Variants in MARCHF6 observed in about 807,000 individuals in gnomAD.
MARCHF6 encodes the protein E3 ubiquitin-protein ligase MARCHF6.
In MARCHF6, 31 loss-of-function variants were observed where a neutral mutation model predicts 133.7. The observed-to-expected ratio is 0.23, with a 90% CI of 0.17 to 0.31. The LOEUF (loss-of-function observed/expected upper bound fraction) is 0.31. MARCHF6 is among the 10% of genes least tolerant of loss of function. MARCHF6 has a pLI of 1.00. For missense variants in MARCHF6, 723 were observed against 1,121.6 expected, an observed-to-expected ratio of 0.64 and a Z score of 5.08; for synonymous variants, 395 against 402.5, an observed-to-expected ratio of 0.98 and a Z score of 0.22.
chr5:10,354,444 T>C (rs1002702348), intron 1 of MARCHF6, among the ~76,000 whole-genome samples: 5 of 152,182 alleles, frequency 3.3e-5, no homozygotes, highest in African/African-American at 1.2e-4. Flanking sequence ...GTCCTCGGCT[T>C]GCCTGCCGCT....
chr5:10,411,978 G>A (rs1739257169), intron 19 of MARCHF6, among the ~76,000 whole-genome samples: 1 of 152,162 alleles, frequency 6.6e-6, no homozygotes, highest in African/African-American at 2.4e-5. Flanking sequence ...CAATCTTTGT[G>A]CACCTCAGAA....
rs1205098891 is a variant in MARCHF6 at position 10,353,928 on chromosome 5, G to A, written c.19+11G>A. 1.3e-6 allele frequency: 2 copies of A among 1,551,974 alleles called. No individual in the cohort carries two copies. The highest frequency in any genetic ancestry group is 1.7e-6 in the Non-Finnish European group (2 of 1,153,894). ...ACACCGCGGAGGAAGGTAAGTCGGC[G>A]ACGCGCGGCGCCCGAGCCCTTGCGT... On this transcript the variant is annotated intron_variant, in intron 1 of 25. Coordinates refer to ENST00000274140, the MANE Select transcript of MARCHF6 (RefSeq NM_005885.4).
At chr5:10,359,648 A>C (rs1375164537) in intron 1 of MARCHF6, among the ~76,000 whole-genome samples, 5 of 152,184 alleles carry the variant, frequency 3.3e-5, no homozygotes, top group Admixed American at 3.3e-4. Flanking sequence ...ATGTAGTTCA[A>C]ACTGTGATGT....
chr5:10,355,824 CAG>C (rs1735424088), intron 1 of MARCHF6, among the ~76,000 whole-genome samples: 3 of 152,330 alleles, frequency 2.0e-5, no homozygotes, highest in Admixed American at 2.0e-4. Context: ...TCATGTCTGT[CAG>C]AGTCGCACTT....
At chr5:10,422,496 G>A (rs971399300) in intron 22 of MARCHF6, among the ~76,000 whole-genome samples, 1 of 152,096 alleles carries the variant, frequency 6.6e-6, no homozygotes, top group Admixed American at 6.5e-5. Flanking sequence ...ATTGTCATTG[G>A]ACTTTTTTTC....
At chr5:10,358,479 C>A (rs1735615310) in intron 1 of MARCHF6, among the ~76,000 whole-genome samples, 1 of 152,132 alleles carries the variant, frequency 6.6e-6, no homozygotes, top group South Asian at 2.1e-4. Context: ...TAGATGATTA[C>A]CTCTGTACTG....
At chr5:10,390,853 T>A (rs1176878445) in intron 6 of MARCHF6, among the ~76,000 whole-genome samples, 1 of 152,222 alleles carries the variant, frequency 6.6e-6, no homozygotes, top group African/African-American at 2.4e-5. Flanking sequence ...AAAAATGTAT[T>A]TTCATCCCTG....
At chr5:10,386,081 A>G (rs1477562988) in intron 4 of MARCHF6, among the ~76,000 whole-genome samples, 1 of 151,880 alleles carries the variant, frequency 6.6e-6, no homozygotes, top group Non-Finnish European at 1.5e-5. Context: ...CCTGTTGCAC[A>G]TGAATCCATT....
chr5:10,415,586 A>G lies in MARCHF6; in HGVS notation c.2065A>G (p.Ile689Val), dbSNP rs1431071773. 4.3e-6 allele frequency: 7 copies of G among 1,614,200 alleles called. No homozygotes were observed. Among genetic ancestry groups the G allele is most frequent in the Non-Finnish European group, 5.9e-6 (7 of 1,180,032 alleles). ...TGGTCTCTATGTTTGCTGGCTAACC[A>G]TAAGGGCTGTGACGGTGATGGTGGC... The part of the protein sequence containing the change: ...ACGLYVCWLT[I>V]RAVTVMVAWM... The change falls in exon 21 of 26, where the codon ATA (isoleucine) becomes GTA (valine). Residue 689 changes from isoleucine (I) to valine (V), a missense_variant. Physicochemically the swap from Ile to Val is conservative, Grantham distance 29 (BLOSUM62 3). Coordinates refer to ENST00000274140, the MANE Select transcript of MARCHF6 (RefSeq NM_005885.4).
At chr5:10,401,985 T>C in intron 11 of MARCHF6, 74 bp from the exon 12 acceptor site, 1 of 841,134 alleles carries the variant, frequency 1.2e-6, no homozygotes, top group Non-Finnish European at 2.0e-6. Context: ...TCATTTAGAT[T>C]GTTTAATATG....
chr5:10,372,675 A>G (rs1481905500), intron 1 of MARCHF6, among the ~76,000 whole-genome samples: 3 of 152,232 alleles, frequency 2.0e-5, no homozygotes, highest in African/African-American at 7.2e-5. Flanking sequence ...GCTTTAAAAT[A>G]ACAACACTCA....
chr5:10,380,733 C>G (rs899710336), intron 3 of MARCHF6, among the ~76,000 whole-genome samples: 2 of 152,068 alleles, frequency 1.3e-5, no homozygotes, highest in African/African-American at 2.4e-5. Context: ...TGAGGCTAGC[C>G]TGGCCAACAT....
chr5:10,355,200 T>C (rs1735373902), intron 1 of MARCHF6, among the ~76,000 whole-genome samples: 1 of 152,256 alleles, frequency 6.6e-6, no homozygotes, highest in Non-Finnish European at 1.5e-5. Context: ...TTATATACAC[T>C]GAGTGTAGCT....
rs769845369 is a variant in MARCHF6 at position 10,437,779 on chromosome 5, C to T, written c.*4095C>T. 7 of 152,126 alleles carry T rather than the reference C, an allele frequency of 4.6e-5. No individual in the cohort carries two copies. The highest frequency in any genetic ancestry group is 8.8e-5 in the Non-Finnish European group (6 of 68,028). The allele number at this position is 152,126 out of a possible 1,614,324, so 9.4% of individuals were successfully genotyped here. On this transcript the variant is annotated 3_prime_UTR_variant, in exon 26 of 26. Coordinates refer to ENST00000274140, the MANE Select transcript of MARCHF6 (RefSeq NM_005885.4). The stretch of plus-strand genomic sequence containing the variant: ...ATGTATATATATTCTGAAATGCTCC[C>T]TTTTTAATGTGGTCATTTGTTGCCT...
rs1272896146 is a variant in MARCHF6 at position 10,440,149 on chromosome 5, A to G, written c.*6465A>G. The G allele has an allele frequency of 6.6e-6, 1 of 152,228 alleles. No individual in the cohort carries two copies. Among genetic ancestry groups the G allele is most frequent in the Non-Finnish European group, 1.5e-5 (1 of 68,040 alleles). 9.4% of individuals were successfully genotyped at this position (152,228 alleles called of 1,614,324 possible). ...TAAGCTCCAAAGATTTTATTTTTTT[A>G]AACTGAATTATTACTGTATTCCCAG... On this transcript the variant is annotated 3_prime_UTR_variant, in exon 26 of 26. Coordinates refer to ENST00000274140, the MANE Select transcript of MARCHF6 (RefSeq NM_005885.4).
chr5:10,397,422 A>G, intron 10 of MARCHF6, 78 bp downstream of exon 10: 2 of 1,083,090 alleles, frequency 1.8e-6, no homozygotes, highest in South Asian at 1.5e-5. Flanking sequence ...TTATAGGTTT[A>G]TTATTATTTT....
intron 16 of MARCHF6, 120 bp downstream of exon 16, chr5:10,405,797 A>G (rs1738849475): frequency 1.2e-6 from 1 of 811,552 alleles, no homozygotes; most frequent in East Asian, 3.1e-5. Flanking sequence ...TAATATATTT[A>G]TCTAAGCCTG....
intron 7 of MARCHF6, among the ~76,000 whole-genome samples, chr5:10,392,342 G>A (rs781248610): frequency 2.6e-5 from 4 of 152,172 alleles, no homozygotes; most frequent in Non-Finnish European, 5.9e-5. Flanking sequence ...AAAGGACTTT[G>A]ATACAGATTC....
chr5:10,384,471 A>G (rs1451069119), intron 4 of MARCHF6, among the ~76,000 whole-genome samples: 1 of 152,198 alleles, frequency 6.6e-6, no homozygotes, highest in Non-Finnish European at 1.5e-5. Flanking sequence ...TTGAACAGGT[A>G]TTTCTGGAAA....
Sources: allele counts gnomAD v4.1 joint callset (sites outside exome capture counted in the v4.1 genomes callset), GRCh38; gene constraint gnomAD v4.1.1; transcripts MANE v1.5; gene names NCBI Gene and HGNC (gene_info 2026-07-23, HGNC 2026-07-21).